Variants in ANTXR1 observed in about 807,000 individuals in gnomAD.
ANTXR1 encodes anthrax toxin receptor 1.
Under a neutral mutation model 78.1 loss-of-function variants are expected in ANTXR1, and 19 were observed. The ratio of observed to expected loss-of-function variants is 0.24; its 90% CI spans 0.17 to 0.36. The LOEUF is 0.36. ANTXR1 is among the 10% of genes least tolerant of loss of function. ANTXR1 has a pLI of 1.00. For synonymous variants in ANTXR1, 273 were observed against 260.5 expected, an observed-to-expected ratio of 1.05 and a Z score of -0.46; for missense variants, 518 against 718.6, an observed-to-expected ratio of 0.72 and a Z score of 3.19.
chr2:69,044,490 C>T (rs1319428612), intron 2 of ANTXR1, among the ~76,000 whole-genome samples: 3 of 152,122 alleles, frequency 2.0e-5, no homozygotes, highest in Non-Finnish European at 4.4e-5. Flanking sequence ...ACTCGTAATC[C>T]ACACTCACTA....
At chr2:69,062,228 A>G (rs1670265759) in intron 3 of ANTXR1, among the ~76,000 whole-genome samples, 2 of 152,160 alleles carry the variant, frequency 1.3e-5, no homozygotes, top group Admixed American at 6.5e-5. Context: ...AAAAAGAAAT[A>G]TCTCAGCCTA....
chr2:69,013,671 C>T lies in ANTXR1; in HGVS notation c.152+20C>T, dbSNP rs985542156. On this transcript the variant is annotated intron_variant, in intron 1 of 17. Coordinates refer to ENST00000303714, the MANE Select transcript of ANTXR1 (RefSeq NM_032208.3). The surrounding 1 kb of genome is among the most constrained non-coding windows in gnomAD (Gnocchi z 5.0). ...GGACAAGTAAGTGCCGCGAGTTGTC[C>T]CCCCCACCCCAGGCTAAGCGGGCGA... is the stretch of plus-strand genomic sequence containing the variant. The T allele has an allele frequency of 3.9e-6, 6 of 1,551,496 alleles. No homozygotes were observed. The highest frequency in any genetic ancestry group is 5.2e-6 in the Non-Finnish European group (6 of 1,146,848).
At chr2:69,062,653 T>C (rs1481635179) in intron 3 of ANTXR1, among the ~76,000 whole-genome samples, 1 of 152,210 alleles carries the variant, frequency 6.6e-6, no homozygotes, top group Non-Finnish European at 1.5e-5. Flanking sequence ...TCCACTGCTT[T>C]TTTTATACTC....
rs1675590469 is a variant in ANTXR1, at chr2:69,231,281, G to A, written c.1435-13944G>A. Among the ~76,000 whole-genome samples the A allele has an allele frequency of 2.6e-5, 4 of 152,128 alleles. No individual in the cohort carries two copies. The South Asian group carries it at 8.3e-4, about 32-fold the overall frequency. On this transcript the variant is annotated intron_variant, in intron 17 of 17. Transcript: ENST00000303714. ...GGAAATGTGTGATGGTTACCTTTGGGGTTATATCTTTCTGTCATCCAGTTA... is the reference window on the plus strand; with the variant it reads ...GGAAATGTGTGATGGTTACCTTTGGAGTTATATCTTTCTGTCATCCAGTTA...
chr2:69,144,965 C>T (rs1044083476), intron 12 of ANTXR1, among the ~76,000 whole-genome samples: 4 of 152,170 alleles, frequency 2.6e-5, no homozygotes, highest in Admixed American at 2.6e-4. Flanking sequence ...GGGTCACTGT[C>T]GTGGGGGCAA....
At chr2:69,081,623 AAAAT>A (rs1416771534) in intron 8 of ANTXR1, among the ~76,000 whole-genome samples, 2 of 152,232 alleles carry the variant, frequency 1.3e-5, no homozygotes, top group Non-Finnish European at 2.9e-5. Context: ...ACAATGCTGC[AAAAT>A]AAATATTCCT....
At chr2:69,157,440 A>C (rs1673557480) in intron 13 of ANTXR1, among the ~76,000 whole-genome samples, 1 of 151,870 alleles carries the variant, frequency 6.6e-6, no homozygotes, top group Admixed American at 6.6e-5. Flanking sequence ...GGACATCTCA[A>C]ATGCAGGCAT....
In ANTXR1 at chr2:69,193,355, G is replaced by A. The variant is rs138001304; in HGVS notation, c.1374G>A (p.Trp458Ter). Residue 458 changes from tryptophan (W) to a stop codon, truncating the protein, a stop_gained, in exon 17 of 18, where the codon TGG becomes TGA. Coordinates refer to ENST00000303714, the MANE Select transcript of ANTXR1 (RefSeq NM_032208.3). LOFTEE classifies it high-confidence loss of function. ...SPIKGKLDAL[W>*]VLLRKGYDRV... is the part of the protein sequence containing the mutation. The stretch of plus-strand genomic sequence containing the variant: ...TTCAGGGAAAACTCGATGCCTTGTG[G>A]GTCCTACTGAGGAAAGGATATGATC... 1.2e-6 allele frequency: 2 copies of A among 1,613,514 alleles called. No homozygotes were observed. Among genetic ancestry groups the A allele is most frequent in the African/African-American group, 2.7e-5 (2 of 74,770 alleles).
At chr2:69,162,444 T>C (rs1316810989) in intron 13 of ANTXR1, among the ~76,000 whole-genome samples, 1 of 152,168 alleles carries the variant, frequency 6.6e-6, no homozygotes, top group Non-Finnish European at 1.5e-5. Context: ...ACTTGAGGTT[T>C]TGTAAATTGG....
intron 8 of ANTXR1, among the ~76,000 whole-genome samples, chr2:69,086,059 G>T (rs140498507): frequency 2.0e-5 from 3 of 152,284 alleles, no homozygotes; most frequent in African/African-American, 7.2e-5. Flanking sequence ...GAAAGCAAAA[G>T]ACACCTATAC....
At chr2:69,169,163 G>A (rs377253285) in intron 13 of ANTXR1, among the ~76,000 whole-genome samples, 21 of 152,340 alleles carry the variant, frequency 1.4e-4, no homozygotes, top group African/African-American at 4.6e-4. Context: ...GCCAGAGCCC[G>A]GCTCCCCGAC....
At position 69,170,378 on chromosome 2, in the gene ANTXR1, G is replaced by A. The variant is rs1194704751; in HGVS notation, c.1089+89G>A. 2.3e-5 allele frequency: 33 copies of A among 1,444,968 alleles called. 1 individual carries two copies. The highest frequency in any genetic ancestry group is 3.1e-5 in the Non-Finnish European group (32 of 1,030,342). The allele number at this position is 1,444,968 out of a possible 1,614,324, so 89.5% of individuals were successfully genotyped here. A position where few individuals can be genotyped will look rare whatever the true frequency, so the allele number is the denominator to read the frequency against. On this transcript the variant is annotated intron_variant, in intron 14 of 17. Transcript: ENST00000303714. ...TGGGCAGCTGGACACTTAGCCCCCT[G>A]CAGAGCAGAGCTAAGTCAAGCTCAA...
intron 12 of ANTXR1, among the ~76,000 whole-genome samples, chr2:69,131,285 T>G (rs1378791391): frequency 1.3e-5 from 2 of 152,160 alleles, no homozygotes; most frequent in African/African-American, 4.8e-5. Flanking sequence ...GACTCCAAAA[T>G]TTTGTCTCCA....
At chr2:69,222,072 G>C (rs542782909) in intron 17 of ANTXR1, among the ~76,000 whole-genome samples, 1 of 152,266 alleles carries the variant, frequency 6.6e-6, no homozygotes, top group East Asian at 1.9e-4. Flanking sequence ...TCTCTGCAGT[G>C]GCCACTTCCG....
intron 1 of ANTXR1, among the ~76,000 whole-genome samples, chr2:69,019,978 C>G (rs1038205254): frequency 6.6e-6 from 1 of 152,150 alleles, no homozygotes; most frequent in Non-Finnish European, 1.5e-5. Context: ...TCTAATTTAT[C>G]ATTGATGTGC....
intron 13 of ANTXR1, among the ~76,000 whole-genome samples, chr2:69,166,432 C>G (rs1175381915): frequency 2.0e-5 from 3 of 152,096 alleles, no homozygotes; most frequent in Non-Finnish European, 2.9e-5. Flanking sequence ...TTTCCCGTCC[C>G]CTTTACCTCA....
At chr2:69,195,055 C>G (rs961712371) in intron 17 of ANTXR1, among the ~76,000 whole-genome samples, 3 of 151,682 alleles carry the variant, frequency 2.0e-5, no homozygotes, top group Non-Finnish European at 4.4e-5. Flanking sequence ...GTAATCCCAG[C>G]TACTTGGGAG....
At chr2:69,188,227 C>T (rs1674469850) in intron 16 of ANTXR1, among the ~76,000 whole-genome samples, 1 of 152,118 alleles carries the variant, frequency 6.6e-6, no homozygotes, top group Non-Finnish European at 1.5e-5. Context: ...CTACCTCAGT[C>T]TCCCAAGTAG....
At chr2:69,119,684 C>T (rs925347267) in intron 10 of ANTXR1, among the ~76,000 whole-genome samples, 36 of 148,740 alleles carry the variant, frequency 2.4e-4, no homozygotes, top group African/African-American at 8.7e-4. Context: ...CCTTAACTCA[C>T]GAGGTTGTCA....
Sources: allele counts gnomAD v4.1 joint callset (sites outside exome capture counted in the v4.1 genomes callset), GRCh38; gene constraint gnomAD v4.1.1; non-coding constraint Gnocchi (gnomAD v3.1); transcripts MANE v1.5; gene names NCBI Gene and HGNC (gene_info 2026-07-23, HGNC 2026-07-21).